NRG4: variants seen among roughly 807,000 people sequenced by gnomAD.
NRG4 encodes pro-neuregulin-4, membrane-bound isoform.
Under a neutral mutation model 15.0 loss-of-function variants are expected in NRG4, and 10 were observed. The observed-to-expected ratio is 0.67, with a 90% CI of 0.41 to 1.13. The LOEUF is 1.13. NRG4 is among the 50% of genes most tolerant of loss of function. NRG4 has a pLI of 0.00. For synonymous variants in NRG4, 41 were observed against 50.1 expected, an observed-to-expected ratio of 0.82 and a Z score of 0.77; for missense variants, 139 against 140.2, an observed-to-expected ratio of 0.99 and a Z score of 0.04.
At chr15:75,976,135 A>G (rs897333902) in intron 3 of NRG4, among the ~76,000 whole-genome samples, 3 of 152,080 alleles carry the variant, frequency 2.0e-5, no homozygotes, top group Admixed American at 1.3e-4. Context: ...TTGTCTATTG[A>G]TACCCGTGTA....
At chr15:76,026,617 C>T (rs946533339) in intron 5 of NRG4, among the ~76,000 whole-genome samples, 1 of 152,076 alleles carries the variant, frequency 6.6e-6, no homozygotes, top group Admixed American at 6.5e-5. Flanking sequence ...ACTGGTAGAA[C>T]TGATATACAA....
Position 75,941,655 on chromosome 15 carries a change from A to G in NRG4, c.*1983T>C, listed in dbSNP as rs1243478701. 1 of 152,192 alleles carries G rather than the reference A, an allele frequency of 6.6e-6. No homozygotes were observed. The highest frequency in any genetic ancestry group is 2.1e-4 in the South Asian group (1 of 4,836). 9.4% of individuals were successfully genotyped at this position (152,192 alleles called of 1,614,324 possible). ...CCTTTCAGACATTAAGTAAATCACA[A>G]AAGGACAATACTATATGAATCCACT... On this transcript the variant is annotated 3_prime_UTR_variant, in exon 6 of 6. Coordinates refer to ENST00000394907, the MANE Select transcript of NRG4 (RefSeq NM_138573.4).
intron 1 of NRG4, among the ~76,000 whole-genome samples, chr15:76,058,514 G>C (rs759925304): frequency 6.6e-6 from 1 of 152,176 alleles, no homozygotes; most frequent in Admixed American, 6.5e-5. Flanking sequence ...AATTCCAAGA[G>C]GTGGTTTTGA....
At chr15:75,944,489 C>CG in intron 5 of NRG4, among the ~76,000 whole-genome samples, 1 of 152,124 alleles carries the variant, frequency 6.6e-6, no homozygotes, top group East Asian at 1.9e-4. Flanking sequence ...AAAGATTGCC[C>CG]GGGGAGGCTT....
At chr15:75,961,345 C>G (rs1477453716) in intron 4 of NRG4, among the ~76,000 whole-genome samples, 1 of 151,674 alleles carries the variant, frequency 6.6e-6, no homozygotes, top group Non-Finnish European at 1.5e-5. Flanking sequence ...GTCTGTCTCT[C>G]CAAATTGATT....
chr15:75,995,205 A>AAAG (rs1567098449), intron 3 of NRG4, among the ~76,000 whole-genome samples: 6 of 151,696 alleles, frequency 4.0e-5, no homozygotes, highest in African/African-American at 1.5e-4. Context: ...CTCAAAAAAA[A>AAAG]AAAGAAAGAA....
intron 5 of NRG4, among the ~76,000 whole-genome samples, chr15:75,954,021 T>C (rs2032073854): frequency 6.6e-6 from 1 of 152,108 alleles, no homozygotes; most frequent in Non-Finnish European, 1.5e-5. Context: ...AATTGATTGC[T>C]TTTATTAAAT....
At chr15:76,006,476 T>C (rs1355221753) in intron 3 of NRG4, among the ~76,000 whole-genome samples, 2 of 152,180 alleles carry the variant, frequency 1.3e-5, no homozygotes, top group African/African-American at 4.8e-5. Context: ...CTATTTTTTT[T>C]ATCCTTTTTT....
intron 4 of NRG4, among the ~76,000 whole-genome samples, chr15:75,956,458 G>A (rs1225104682): frequency 2.0e-5 from 3 of 152,078 alleles, no homozygotes; most frequent in African/African-American, 2.4e-5. Flanking sequence ...CATTTTTGAG[G>A]TAACAGTACA....
intron 4 of NRG4, among the ~76,000 whole-genome samples, chr15:76,050,493 G>A (rs2035973812): frequency 7.5e-6 from 1 of 133,732 alleles, no homozygotes; most frequent in African/African-American, 2.9e-5. Context: ...CCTGGCTGGA[G>A]TGCAATGGCT....
At chr15:76,019,589 C>T (rs543362629) in intron 5 of NRG4, among the ~76,000 whole-genome samples, 1 of 152,310 alleles carries the variant, frequency 6.6e-6, no homozygotes, top group Non-Finnish European at 1.5e-5. Flanking sequence ...CTTCCCTTGG[C>T]TAGGGGGGTA....
chr15:75,981,271 A>G (rs569337356), intron 3 of NRG4, among the ~76,000 whole-genome samples: 4 of 152,114 alleles, frequency 2.6e-5, no homozygotes, highest in Non-Finnish European at 4.4e-5. Context: ...TCCTCTGGGG[A>G]GAGAGACCTG....
At chr15:76,003,121 C>T (rs2034473345) in intron 3 of NRG4, among the ~76,000 whole-genome samples, 1 of 152,114 alleles carries the variant, frequency 6.6e-6, no homozygotes, top group Non-Finnish European at 1.5e-5. Flanking sequence ...AGTATATTCT[C>T]TCACTATAAT....
chr15:76,044,164 A>AT (rs750591728), intron 4 of NRG4, among the ~76,000 whole-genome samples: 67 of 142,384 alleles, frequency 4.7e-4, no homozygotes, highest in East Asian at 1.8e-3. Flanking sequence ...CGCCCGGCTA[A>AT]TTTTTTTTTT....
intron 3 of NRG4, among the ~76,000 whole-genome samples, chr15:75,994,232 C>G (rs763797833): frequency 3.3e-5 from 5 of 152,196 alleles, no homozygotes; most frequent in Non-Finnish European, 5.9e-5. Context: ...CTTTTCTTAG[C>G]CTTACCTGGG....
chr15:75,979,103 T>C lies in NRG4; in HGVS notation c.105-17129A>G, dbSNP rs145861707. Among the ~76,000 whole-genome samples the C allele has an allele frequency of 4.3e-3, 649 of 152,322 alleles. 12 individuals are homozygous for C. Among genetic ancestry groups the C allele is most frequent in the African/African-American group, 0.015 (614 of 41,574 alleles). ...TTCACTCTGTTGGCTGTTCCTTTGC[T>C]GAGCAGAAGCTTTCTAGCCTGATGT... On this transcript the variant is annotated intron_variant, in intron 3 of 5. Coordinates refer to ENST00000394907, the MANE Select transcript of NRG4 (RefSeq NM_138573.4).
intron 5 of NRG4, among the ~76,000 whole-genome samples, chr15:76,024,718 C>G (rs776062075): frequency 2.0e-5 from 3 of 152,208 alleles, no homozygotes; most frequent in Non-Finnish European, 2.9e-5. Context: ...AGCCACACCA[C>G]CACTGCCAAA....
chr15:76,016,438 A>G (rs776495499), upstream of NRG4, among the ~76,000 whole-genome samples: 2 of 152,088 alleles, frequency 1.3e-5, no homozygotes, highest in Non-Finnish European at 2.9e-5. Context: ...TAGGGTGTCA[A>G]TTTTAGATCT....
At chr15:75,974,361 C>CAAA (rs558737327) in intron 3 of NRG4, among the ~76,000 whole-genome samples, 1 of 152,036 alleles carries the variant, frequency 6.6e-6, no homozygotes, top group East Asian at 1.9e-4. Flanking sequence ...GTGTCTCTAT[C>CAAA]TCTTTCTGTT....
Sources: gnomAD v4.1 joint callset for allele counts (sites outside exome capture counted in the v4.1 genomes callset) on GRCh38, gnomAD v4.1.1 for gene constraint, MANE v1.5 for transcripts, NCBI Gene and HGNC (gene_info 2026-07-23, HGNC 2026-07-21) for gene names.